The following GULP1 variants were observed in gnomAD, a reference collection of about 807,000 sequenced individuals.
GULP1 encodes the protein GULP PTB domain containing engulfment adaptor 1.
In GULP1, 19 loss-of-function variants were observed where a neutral mutation model predicts 40.9. That is an observed-to-expected ratio of 0.46 (90% CI 0.32 to 0.68). GULP1 has a LOEUF of 0.68. GULP1 is among the 30% of genes least tolerant of loss of function. The probability of loss-of-function intolerance (pLI) is 0.03; values close to 1 mark genes in which losing one functional copy is unlikely to be tolerated. For synonymous variants in GULP1, 119 were observed against 117.6 expected, an observed-to-expected ratio of 1.01 and a Z score of -0.08; for missense variants, 312 against 362.2, an observed-to-expected ratio of 0.86 and a Z score of 1.12.
intron 1 of GULP1, among the ~76,000 whole-genome samples, chr2:188,350,443 A>G (rs2044295003): frequency 6.6e-6 from 1 of 151,896 alleles, no homozygotes; most frequent in Admixed American, 6.6e-5. Context: ...TTTCTTCTTC[A>G]TGTTATTATA....
At chr2:188,389,716 G>A (rs2050260481) in intron 2 of GULP1, among the ~76,000 whole-genome samples, 1 of 152,102 alleles carries the variant, frequency 6.6e-6, no homozygotes, top group African/African-American at 2.4e-5. Flanking sequence ...TGTCACCTGA[G>A]TAGTGTGCAT....
rs1388779345 is a variant in GULP1, at chr2:188,483,436, A to G, written c.34A>G (p.Thr12Ala). Residue 12 changes from threonine (T) to alanine (A), a missense_variant, in exon 4 of 12, where the codon ACA (threonine) becomes GCA (alanine). By Grantham distance (58) the Thr-to-Ala change is moderately conservative. Transcript: ENST00000409830. The stretch of plus-strand genomic sequence containing the variant: ...CTGTGTATTTTTTATTGCAGACAAA[A>G]CATGGATGCATACACCTGAAGCTTT... ...NRAFSRKKDKTWMHTPEALSK... is the reference protein window; with the variant it reads ...NRAFSRKKDKAWMHTPEALSK... The G allele has an allele frequency of 2.6e-6, 4 of 1,518,958 alleles. No homozygotes were observed. In the East Asian group the frequency reaches 6.9e-5, roughly 26 times the overall value. 94.1% of individuals were successfully genotyped at this position (1,518,958 alleles called of 1,614,324 possible).
At chr2:188,541,529 A>C (rs1461910678) in intron 7 of GULP1, 3 of 607,752 alleles carry the variant, frequency 4.9e-6, no homozygotes, top group Non-Finnish European at 8.8e-6. Context: ...CATGGTCATG[A>C]GCATAAACTT....
At chr2:188,349,062 GTT>G (rs2152275003) in intron 1 of GULP1, among the ~76,000 whole-genome samples, 1 of 152,242 alleles carries the variant, frequency 6.6e-6, no homozygotes, top group Admixed American at 6.5e-5. Flanking sequence ...TGCATTCAAA[GTT>G]TTGTTATTTT....
At chr2:188,428,400 G>T (rs2056469901) in intron 2 of GULP1, among the ~76,000 whole-genome samples, 1 of 152,156 alleles carries the variant, frequency 6.6e-6, no homozygotes, top group South Asian at 2.1e-4. Context: ...GAATGATATG[G>T]TTGAGATCTA....
At chr2:188,535,807 C>A (rs1482098145) in intron 6 of GULP1, among the ~76,000 whole-genome samples, 1 of 152,144 alleles carries the variant, frequency 6.6e-6, no homozygotes, top group Non-Finnish European at 1.5e-5. Context: ...AATTACATTC[C>A]CACCAATAGT....
At chr2:188,449,766 G>T (rs1011666278) in intron 2 of GULP1, among the ~76,000 whole-genome samples, 4 of 152,190 alleles carry the variant, frequency 2.6e-5, no homozygotes, top group Non-Finnish European at 4.4e-5. Flanking sequence ...TGAAAAGATT[G>T]TATGAGATTA....
rs950435945 is a variant in GULP1, at chr2:188,492,411, A to G, written c.90+8919A>G. Among the ~76,000 whole-genome samples, 43 of 152,076 alleles carry G rather than the reference A, an allele frequency of 2.8e-4. 1 individual carries two copies. Among genetic ancestry groups the G allele is most frequent in the Admixed American group, 2.6e-3 (40 of 15,258 alleles). ...CAGTATTCCAGGCATTTCTTTGCATAAATACAAGTGCAAGAATGGAAATAC... is the reference window on the plus strand; with the variant it reads ...CAGTATTCCAGGCATTTCTTTGCATGAATACAAGTGCAAGAATGGAAATAC... On this transcript the variant is annotated intron_variant, in intron 4 of 11. Transcript: ENST00000409830.
rs566867384 is a variant in GULP1 at position 188,301,891 on chromosome 2, A to G, written c.-172+9725A>G. Among the ~76,000 whole-genome samples the G allele has an allele frequency of 6.4e-4, 97 of 152,304 alleles. No individual in the cohort carries two copies. In the South Asian group the frequency reaches 0.019, roughly 31 times the overall value. On this transcript the variant is annotated intron_variant, in intron 1 of 11. Coordinates refer to ENST00000409830, the MANE Select transcript of GULP1 (RefSeq NM_016315.4). ...AATGCCTTAAAATGGCAGAAAAAAT[A>G]TAAAACCTTGGGTACTTGATGGAAT... is the stretch of plus-strand genomic sequence containing the variant.
At chr2:188,475,206 G>A (rs962886289) in intron 2 of GULP1, among the ~76,000 whole-genome samples, 3 of 152,092 alleles carry the variant, frequency 2.0e-5, no homozygotes, top group African/African-American at 2.4e-5. Context: ...ATGCTAAGAA[G>A]TGGGGTTTGG....
intron 4 of GULP1, among the ~76,000 whole-genome samples, chr2:188,502,025 CTA>C (rs1192422093): frequency 1.3e-5 from 2 of 151,836 alleles, no homozygotes; most frequent in Non-Finnish European, 2.9e-5. Flanking sequence ...AACTGATAAA[CTA>C]TTTTTTCAAA....
In GULP1 at chr2:188,507,041, G is replaced by A. The variant is rs567544153; in HGVS notation, c.91-15715G>A. Among the ~76,000 whole-genome samples, 25 of 151,966 alleles carry A rather than the reference G, an allele frequency of 1.6e-4. 1 individual carries two copies. Among genetic ancestry groups the A allele is most frequent in the South Asian group, 1.0e-3 (5 of 4,822 alleles). On this transcript the variant is annotated intron_variant, in intron 4 of 11. Coordinates refer to ENST00000409830, the MANE Select transcript of GULP1 (RefSeq NM_016315.4). ...CTCCCTGCATTTGCCCTAGGCTTTT[G>A]CCAGACCATCCACCCACTTTGCATT...
At chr2:188,558,653 A>G (rs1695472382) in intron 7 of GULP1, among the ~76,000 whole-genome samples, 1 of 152,194 alleles carries the variant, frequency 6.6e-6, no homozygotes, top group Non-Finnish European at 1.5e-5. Context: ...GGGAAAGTTT[A>G]GGACTTCCTG....
intron 2 of GULP1, among the ~76,000 whole-genome samples, chr2:188,399,645 G>A (rs1385096493): frequency 8.4e-6 from 1 of 119,016 alleles, no homozygotes; most frequent in Non-Finnish European, 1.6e-5. Flanking sequence ...CTTGAGGCCA[G>A]AACTTTGAGA....
intron 1 of GULP1, among the ~76,000 whole-genome samples, chr2:188,302,618 A>T (rs544059484): frequency 6.6e-6 from 1 of 152,158 alleles, no homozygotes; most frequent in African/African-American, 2.4e-5. Context: ...CATACAGTAA[A>T]CTTTTAAGTA....
At chr2:188,365,510 A>G (rs1243829826) in intron 1 of GULP1, among the ~76,000 whole-genome samples, 1 of 152,214 alleles carries the variant, frequency 6.6e-6, no homozygotes, top group East Asian at 1.9e-4. Flanking sequence ...GTTGGTTATG[A>G]GGAAGCATAA....
chr2:188,449,546 A>G (rs1450919954), intron 2 of GULP1, among the ~76,000 whole-genome samples: 1 of 152,218 alleles, frequency 6.6e-6, no homozygotes, highest in African/African-American at 2.4e-5. Context: ...CAGTATCAGG[A>G]TACAGATGGC....
At chr2:188,389,610 A>C (rs1056951328) in intron 2 of GULP1, among the ~76,000 whole-genome samples, 1 of 152,122 alleles carries the variant, frequency 6.6e-6, no homozygotes, top group Admixed American at 6.6e-5. Context: ...AAGGGAATTA[A>C]TTCTTTAAAA....
intron 1 of GULP1, among the ~76,000 whole-genome samples, chr2:188,363,883 C>T (rs2046403715): frequency 6.6e-6 from 1 of 152,080 alleles, no homozygotes; most frequent in Non-Finnish European, 1.5e-5. Flanking sequence ...TAAGAGCTAA[C>T]CAGTGGCAGT....
Sources: gnomAD v4.1 joint callset for allele counts (sites outside exome capture counted in the v4.1 genomes callset) on GRCh38, gnomAD v4.1.1 for gene constraint, MANE v1.5 for transcripts, NCBI Gene and HGNC (gene_info 2026-07-23, HGNC 2026-07-21) for gene names.